PDE1C: variants seen among roughly 807,000 people sequenced by gnomAD.
PDE1C encodes dual specificity calcium/calmodulin-dependent 3',5'-cyclic nucleotide phosphodiesterase 1C.
In PDE1C, 62 loss-of-function variants were observed where a neutral mutation model predicts 93.1. That is an observed-to-expected ratio of 0.67 (90% CI 0.54 to 0.82). The LOEUF (loss-of-function observed/expected upper bound fraction) is 0.82, where lower values mean the gene tolerates loss of function less well. Ranked by LOEUF, PDE1C falls within the 40% of genes least tolerant of loss-of-function variation. The pLI is 0.00. For missense variants in PDE1C, 742 were observed against 884.6 expected (o/e 0.84, Z 2.04); for synonymous variants, 325 against 310.1 (o/e 1.05, Z -0.50).
chr7:31,911,794 A>G (rs1385100790), intron 2 of PDE1C, among the ~76,000 whole-genome samples: 1 of 152,210 alleles, frequency 6.6e-6, no homozygotes, highest in Non-Finnish European at 1.5e-5. Flanking sequence ...CCCCCAAGTC[A>G]GTTAGAAAAT....
At chr7:32,150,940 G>T (rs1010023643) in intron 3 of PDE1C, among the ~76,000 whole-genome samples, 1 of 152,208 alleles carries the variant, frequency 6.6e-6, no homozygotes, top group East Asian at 1.9e-4. Flanking sequence ...ATGCTGAGAG[G>T]AGGAAGCAGC....
In PDE1C at chr7:32,173,742, C is replaced by T. The variant is rs10245492; in HGVS notation, c.137-3786G>A. 5.3e-3 allele frequency among the ~76,000 whole-genome samples: 802 copies of T among 152,220 alleles called. 12 individuals carry two copies. The highest frequency in any genetic ancestry group is 0.018 in the African/African-American group (766 of 41,530). ...GCACATGAGAATTCCTCCCTGAGAC[C>T]TTGGCCAGCCACCTGCAGCCCACCA... On this transcript the variant is annotated intron_variant, in intron 2 of 18. Transcript: ENST00000396193.
At chr7:31,917,331 G>A (rs1016976638) in intron 2 of PDE1C, among the ~76,000 whole-genome samples, 3 of 152,046 alleles carry the variant, frequency 2.0e-5, no homozygotes, top group Admixed American at 6.6e-5. Context: ...TAAGGTTTTC[G>A]AGGGCCCTTC....
At chr7:31,712,654 C>A in the PDE1C span, among the ~76,000 whole-genome samples, 1 of 152,292 alleles carries the variant, frequency 6.6e-6, no homozygotes. Flanking sequence ...GTGTTAGTCC[C>A]TTTTCATGCT....
At chr7:32,206,636 G>T (rs1482614053) in intron 2 of PDE1C, among the ~76,000 whole-genome samples, 1 of 152,158 alleles carries the variant, frequency 6.6e-6, no homozygotes, top group African/African-American at 2.4e-5. Context: ...TTGTGGCTAC[G>T]ATGCGGTACC....
chr7:31,779,395 T>A lies in PDE1C; in HGVS notation c.1892-3663A>T, dbSNP rs572759607. 4.0e-3 allele frequency among the ~76,000 whole-genome samples: 610 copies of A among 152,318 alleles called. 1 individual carries two copies. The highest frequency in any genetic ancestry group is 7.2e-3 in the Non-Finnish European group (493 of 68,024). On this transcript the variant is annotated intron_variant, in intron 16 of 17. Transcript: ENST00000396191. ...CATAGAAATGCTTGGTGGAATTTTT[T>A]AAAAAATAACTGACTATAATCTTCC...
At chr7:31,817,840 C>G (rs375230593) in intron 14 of PDE1C, among the ~76,000 whole-genome samples, 2 of 152,126 alleles carry the variant, frequency 1.3e-5, no homozygotes, top group African/African-American at 4.8e-5. Flanking sequence ...CAGATTCACA[C>G]GTTCACGAGG....
intron 1 of PDE1C, among the ~76,000 whole-genome samples, chr7:32,397,321 A>C (rs2128094478): frequency 6.6e-6 from 1 of 152,302 alleles, no homozygotes; most frequent in East Asian, 1.9e-4. Context: ...CTTAAACAAA[A>C]ATATATTAAA....
In PDE1C at chr7:31,991,935, C is replaced by T. The variant is rs75813749; in HGVS notation, c.128+59619G>A. Among the ~76,000 whole-genome samples, 1,306 of 152,318 alleles carry T rather than the reference C, an allele frequency of 8.6e-3. 20 individuals carry two copies. The highest frequency in any genetic ancestry group is 0.03 in the African/African-American group (1,232 of 41,560). ...GAATCATTGTGTTTATCCTAACAGA[C>T]GCAAAGCTATTGTTTTTAGCTGGTA... On this transcript the variant is annotated intron_variant, in intron 2 of 17. Transcript: ENST00000396191.
chr7:32,228,594 T>G (rs1242210726), intron 1 of PDE1C, among the ~76,000 whole-genome samples: 1 of 152,194 alleles, frequency 6.6e-6, no homozygotes, highest in African/African-American at 2.4e-5. Flanking sequence ...AGAAGCTCCA[T>G]GGCTCCTCAG....
At chr7:32,111,859 C>A (rs1274813998) in intron 3 of PDE1C, among the ~76,000 whole-genome samples, 2 of 152,180 alleles carry the variant, frequency 1.3e-5, no homozygotes, top group Non-Finnish European at 2.9e-5. Flanking sequence ...ACATCAGTTA[C>A]CTGCTTGCCC....
At chr7:31,672,761 TGGGAAAGCTTTATAGTGA>T in the PDE1C span, among the ~76,000 whole-genome samples, 309 of 152,278 alleles carry the variant, frequency 2.0e-3, 2 homozygotes, top group African/African-American at 7.1e-3. Flanking sequence ...GTAAACGGAA[TGGGAAAGCTTTATAGTGA>T]GGGTGATATG....
At chr7:31,838,948 T>G (rs1265151363) in intron 9 of PDE1C, among the ~76,000 whole-genome samples, 1 of 150,498 alleles carries the variant, frequency 6.6e-6, no homozygotes, top group African/African-American at 2.4e-5. Flanking sequence ...GTTTTATACA[T>G]GTGTACATAA....
At chr7:32,132,962 C>T (rs56376809) in intron 3 of PDE1C, among the ~76,000 whole-genome samples, 30,858 of 151,806 alleles carry the variant, frequency 0.2, 3,775 homozygotes, top group Middle Eastern at 0.31. Context: ...AAGAGTGCTG[C>T]CATTTACTAA....
At chr7:31,707,966 T>C in the PDE1C span, 1 of 152,232 alleles carries the variant, frequency 6.6e-6, no homozygotes, top group Admixed American at 6.5e-5. Flanking sequence ...TTTTTGTTTT[T>C]AAAAATATTT....
intron 1 of PDE1C, among the ~76,000 whole-genome samples, chr7:32,273,050 G>A (rs1045825108): frequency 2.0e-4 from 30 of 152,306 alleles, no homozygotes; most frequent in African/African-American, 7.2e-4. Context: ...GGAGATGGAG[G>A]TGACGGTGTT....
At chr7:32,349,929 C>A (rs66654044) in intron 1 of PDE1C, among the ~76,000 whole-genome samples, 25,583 of 152,104 alleles carry the variant, frequency 0.17, 2,690 homozygotes, top group South Asian at 0.44. Context: ...CAGCCAGCCT[C>A]AAGTTGAATT....
At chr7:32,071,085 CG>C, upstream of PDE1C, 1 of 985,376 alleles carries the variant, frequency 1.0e-6, no homozygotes, top group Non-Finnish European at 1.2e-6. Flanking sequence ...GAGGGGCGCG[CG>C]GGCACCGCCG....
intron 2 of PDE1C, among the ~76,000 whole-genome samples, chr7:32,200,297 T>A (rs1804918483): frequency 6.6e-6 from 1 of 152,216 alleles, no homozygotes; most frequent in South Asian, 2.1e-4. Flanking sequence ...TGACTTGGGT[T>A]GTATTTCAAA....
Sources: gnomAD v4.1 joint callset for allele counts (sites outside exome capture counted in the v4.1 genomes callset) on GRCh38, gnomAD v4.1.1 for gene constraint, MANE v1.5 for transcripts, NCBI Gene and HGNC (gene_info 2026-07-23, HGNC 2026-07-21) for gene names.